Variants in NRCAM observed in about 807,000 individuals in gnomAD.
NRCAM encodes NgCAM-related cell adhesion molecule.
In NRCAM, 83 loss-of-function variants were observed where a neutral mutation model predicts 156.5. The observed-to-expected ratio is 0.53, with a 90% CI of 0.44 to 0.64. The LOEUF (loss-of-function observed/expected upper bound fraction) is 0.64. Among genes scored for constraint, NRCAM ranks in the 30% least tolerant of loss-of-function variants. The probability of loss-of-function intolerance (pLI) is 0.00; values close to 1 mark genes in which losing one functional copy is unlikely to be tolerated. For missense variants in NRCAM, 1,417 were observed against 1,597.3 expected (o/e 0.89, Z 1.92); for synonymous variants, 538 against 563.9 (o/e 0.95, Z 0.65).
At chr7:108,160,584 T>A in intron 30 of NRCAM, 92 bp from the exon 31 acceptor site, 2 of 1,090,576 alleles carry the variant, frequency 1.8e-6, no homozygotes, top group Non-Finnish European at 2.6e-6. Context: ...CCACGTTATG[T>A]GAGCTTTCAT....
chr7:108,256,510 T>C (rs1377254401), intron 3 of NRCAM, among the ~76,000 whole-genome samples: 11 of 151,088 alleles, frequency 7.3e-5, no homozygotes, highest in African/African-American at 2.7e-4. Flanking sequence ...GTCCTCTGCC[T>C]AGGAAAACCA....
intron 3 of NRCAM, among the ~76,000 whole-genome samples, chr7:108,247,420 AATCT>A (rs1345887656): frequency 6.6e-6 from 1 of 152,160 alleles, no homozygotes; most frequent in Admixed American, 6.5e-5. Context: ...CTTCAAAACT[AATCT>A]ATCCTTTTTG....
chr7:108,350,861 G>T (rs887029889), intron 2 of NRCAM, among the ~76,000 whole-genome samples: 1 of 151,844 alleles, frequency 6.6e-6, no homozygotes, highest in African/African-American at 2.4e-5. Context: ...TTCTTTTCAT[G>T]ATCTTACATA....
chr7:108,178,347 T>C, intron 25 of NRCAM: 1 of 495,550 alleles, frequency 2.0e-6, no homozygotes, highest in Non-Finnish European at 3.7e-6. Context: ...TCAAAACACA[T>C]AATGACTTTG....
chr7:108,173,227 C>T (rs1426834652), intron 28 of NRCAM, among the ~76,000 whole-genome samples: 1 of 152,092 alleles, frequency 6.6e-6, no homozygotes, highest in Non-Finnish European at 1.5e-5. Context: ...CTCACGTGAT[C>T]TGCCCGCCTC....
rs187438605 is a variant in NRCAM, at chr7:108,341,880, C to T, written c.-173-29149G>A. On this transcript the variant is annotated intron_variant, in intron 2 of 32. Coordinates refer to ENST00000379028, the MANE Select transcript of NRCAM (RefSeq NM_001037132.4). Reference sequence around the variant, plus strand: ...CAAGATCTCAGGATTATCAGTGAGGCCGTTGTCCCTCTATACCCAGCTGTA... The same window carrying T: ...CAAGATCTCAGGATTATCAGTGAGGTCGTTGTCCCTCTATACCCAGCTGTA... Among the ~76,000 whole-genome samples the T allele has an allele frequency of 1.1e-4, 16 of 152,268 alleles. No homozygotes were observed. In the East Asian group the frequency reaches 3.1e-3, roughly 29 times the overall value.
intron 25 of NRCAM, among the ~76,000 whole-genome samples, chr7:108,179,895 G>A (rs1035899674): frequency 2.6e-5 from 4 of 152,192 alleles, no homozygotes; most frequent in African/African-American, 9.6e-5. Context: ...ATTCAGAGAA[G>A]TTATGGAACC....
At chr7:108,321,646 C>T (rs1036048565) in intron 2 of NRCAM, among the ~76,000 whole-genome samples, 2 of 152,140 alleles carry the variant, frequency 1.3e-5, no homozygotes, top group Non-Finnish European at 2.9e-5. Flanking sequence ...GAAGTAAGAC[C>T]TACTTGCAAA....
At chr7:108,153,628 G>T (rs890017018) in intron 32 of NRCAM, among the ~76,000 whole-genome samples, 1 of 151,968 alleles carries the variant, frequency 6.6e-6, no homozygotes, top group Non-Finnish European at 1.5e-5. Context: ...ATAAGAAAAA[G>T]AAATAGATGA....
chr7:108,156,462 GAAAC>G (rs1220799481), intron 32 of NRCAM: 31 of 979,498 alleles, frequency 3.2e-5, no homozygotes, highest in East Asian at 1.1e-4. Flanking sequence ...TATAATTAAA[GAAAC>G]AAACAAAGAA....
At chr7:108,214,428 G>T (rs757571295) in intron 11 of NRCAM, among the ~76,000 whole-genome samples, 11 of 152,118 alleles carry the variant, frequency 7.2e-5, no homozygotes, top group Non-Finnish European at 1.5e-4. Flanking sequence ...GTGGTAGTTT[G>T]TATTTCTGTG....
intron 11 of NRCAM, among the ~76,000 whole-genome samples, chr7:108,214,755 C>T (rs964684747): frequency 1.3e-5 from 2 of 152,192 alleles, no homozygotes; most frequent in African/African-American, 4.8e-5. Context: ...AAATTTCCCT[C>T]TAAACACTGC....
chr7:108,366,102 C>T (rs2099590174), intron 2 of NRCAM, among the ~76,000 whole-genome samples: 1 of 152,182 alleles, frequency 6.6e-6, no homozygotes, highest in African/African-American at 2.4e-5. Context: ...TTCAAGGTGC[C>T]ATCTTGGAAG....
At chr7:108,446,900 G>A (rs1844913482) in intron 1 of NRCAM, among the ~76,000 whole-genome samples, 1 of 151,312 alleles carries the variant, frequency 6.6e-6, no homozygotes, top group African/African-American at 2.4e-5. Flanking sequence ...GCTCATTTTT[G>A]CATTTTTTTA....
chr7:108,441,739 G>T (rs968974807), intron 1 of NRCAM, among the ~76,000 whole-genome samples: 3 of 152,164 alleles, frequency 2.0e-5, no homozygotes, highest in Non-Finnish European at 2.9e-5. Flanking sequence ...CATAAAGCAG[G>T]GTTGGAAAAC....
intron 1 of NRCAM, among the ~76,000 whole-genome samples, chr7:108,404,313 T>G (rs533501601): frequency 2.6e-5 from 4 of 152,284 alleles, no homozygotes; most frequent in Non-Finnish European, 5.9e-5. Flanking sequence ...TGTAGACCCA[T>G]TAGGTGCCAC....
At chr7:108,160,263 G>A (rs969616628) in intron 31 of NRCAM, 98 bp downstream of exon 31, 24 of 1,253,330 alleles carry the variant, frequency 1.9e-5, no homozygotes, top group Non-Finnish European at 2.7e-5. Context: ...GCTCTGGGAA[G>A]ACAAAATATT....
At chr7:108,328,431 A>C (rs921464553) in intron 2 of NRCAM, 1 of 152,216 alleles carries the variant, frequency 6.6e-6, no homozygotes, top group Non-Finnish European at 1.5e-5. Context: ...CTTACAAATG[A>C]AGTTATCTTA....
intron 1 of NRCAM, among the ~76,000 whole-genome samples, chr7:108,407,703 T>TAGTTCTC (rs1225286398): frequency 6.6e-6 from 1 of 152,238 alleles, no homozygotes; most frequent in Non-Finnish European, 1.5e-5. Context: ...TGTATTGCAG[T>TAGTTCTC]AGTTCTCAGC....
Sources: gnomAD v4.1 joint callset for allele counts (sites outside exome capture counted in the v4.1 genomes callset) on GRCh38, gnomAD v4.1.1 for gene constraint, MANE v1.5 for transcripts, NCBI Gene and HGNC (gene_info 2026-07-23, HGNC 2026-07-21) for gene names.